Variants in PPP2R1B observed in about 807,000 individuals in gnomAD.
PPP2R1B encodes the protein protein phosphatase 2 scaffold subunit Abeta.
A neutral mutation model predicts 72.7 loss-of-function variants in PPP2R1B; 58 were observed. The observed-to-expected ratio is 0.80, with a 90% confidence interval of 0.65 to 0.99. PPP2R1B has a LOEUF of 0.99. Ranked by LOEUF, PPP2R1B falls within the 50% of genes least tolerant of loss-of-function variation. The probability of loss-of-function intolerance (pLI) is 0.00; values close to 1 mark genes in which losing one functional copy is unlikely to be tolerated. For missense variants in PPP2R1B, 695 were observed against 733.6 expected (o/e 0.95, Z 0.61); for synonymous variants, 256 against 264.6 (o/e 0.97, Z 0.32).
the PPP2R1B span, chr11:111,701,323 T>G: frequency 7.8e-7 from 1 of 1,285,738 alleles, no homozygotes; most frequent in Non-Finnish European, 1.1e-6. This position sits in a 1 kb window ranked among gnomAD's most constrained non-coding sequence, Gnocchi z 4.2. Context: ...TTTCAAATTC[T>G]GAGAAAATAA....
Position 111,741,015 on chromosome 11 carries a change from C to A in PPP2R1B, c.*581G>T. ...ACAGACAAAATTGAGCAAATAAAAA[C>A]CAAAACAACCACTACATTAACCCTG... On this transcript the variant is annotated 3_prime_UTR_variant, in exon 15 of 15. Transcript: ENST00000527614. The A allele has an allele frequency of 1.0e-6, 1 of 985,678 alleles. No individual in the cohort carries two copies. The allele number at this position is 985,678 out of a possible 1,614,324, so 61.1% of individuals were successfully genotyped here.
At chr11:111,695,213 TC>T in the PPP2R1B span, among the ~76,000 whole-genome samples, 4 of 152,294 alleles carry the variant, frequency 2.6e-5, no homozygotes, top group East Asian at 7.7e-4. Flanking sequence ...GTAGCTGAAT[TC>T]TGCTGGTAAT....
rs372915789 is a variant in PPP2R1B at position 111,756,848 on chromosome 11, T to C, written c.688-1398A>G. Reference sequence around the variant, plus strand: ...TCAGTGAGGGGCCAGGCACAGTGGCTCATGCCTGTAATCCCAGCACTTTGG... The same window carrying C: ...TCAGTGAGGGGCCAGGCACAGTGGCCCATGCCTGTAATCCCAGCACTTTGG... On this transcript the variant is annotated intron_variant, in intron 5 of 14. Transcript: ENST00000527614. Among the ~76,000 whole-genome samples the C allele has an allele frequency of 2.1e-4, 32 of 152,270 alleles. 1 individual carries two copies. The East Asian group carries it at 3.7e-3, about 17-fold the overall frequency.
intron 15 of PPP2R1B, chr11:111,729,093 G>C (rs1026432162): frequency 1.3e-5 from 2 of 152,240 alleles, no homozygotes; most frequent in African/African-American, 4.8e-5. Flanking sequence ...GTGAACGAAA[G>C]CAGTGGAGCC....
At chr11:111,744,549 A>C (rs1432749112) in intron 11 of PPP2R1B, among the ~76,000 whole-genome samples, 1 of 152,192 alleles carries the variant, frequency 6.6e-6, no homozygotes, top group Non-Finnish European at 1.5e-5. Context: ...GAACAAAAAC[A>C]AGCCTGGTGT....
At chr11:111,712,788 TAGGTACCTCAGGTACAAAATGATGGGC>T in the PPP2R1B span, among the ~76,000 whole-genome samples, 1 of 152,232 alleles carries the variant, frequency 6.6e-6, no homozygotes, top group Non-Finnish European at 1.5e-5. Context: ...CTCTTCTGCA[TAGGTACCTCAGGTACAAAATGATGGGC>T]CGTCTTTTGT....
chr11:111,764,913 T>G lies in PPP2R1B; in HGVS notation c.206-8A>C. The G allele has an allele frequency of 6.2e-7, 1 of 1,613,342 alleles. No homozygotes were observed. Among genetic ancestry groups the G allele is most frequent in the East Asian group, 2.2e-5 (1 of 44,872 alleles). ...CTTCATCATAAATTGTATCTGGAAG[T>G]GACAACAACAGGACTCATCAACATG... On this transcript the variant is annotated splice_polypyrimidine_tract_variant and splice_region_variant and intron_variant, in intron 2 of 14. Transcript: ENST00000527614.
At chr11:111,694,765 A>G in the PPP2R1B span, among the ~76,000 whole-genome samples, 3 of 152,234 alleles carry the variant, frequency 2.0e-5, no homozygotes, top group African/African-American at 4.8e-5. Flanking sequence ...TAAGCTGGGA[A>G]TATGGAAGAT....
At chr11:111,724,065 T>C, downstream of PPP2R1B, 1 of 1,614,022 alleles carries the variant, frequency 6.2e-7, no homozygotes, top group Non-Finnish European at 8.5e-7. Flanking sequence ...CTACCTGGAC[T>C]CTTTGATTGT....
In PPP2R1B at chr11:111,765,284, A is replaced by T; in HGVS notation, c.205+10T>A. On this transcript the variant is annotated intron_variant, in intron 2 of 14. Coordinates refer to ENST00000527614, the MANE Select transcript of PPP2R1B (RefSeq NM_002716.5). ...TGTCCCTACCTTTCTTTAAACAAAGATTCACATACCTGTAAGAAATGGCAA... is the reference window on the plus strand; with the variant it reads ...TGTCCCTACCTTTCTTTAAACAAAGTTTCACATACCTGTAAGAAATGGCAA... 3 of 1,599,812 alleles carry T rather than the reference A, an allele frequency of 1.9e-6. No individual in the cohort carries two copies. Among genetic ancestry groups the T allele is most frequent in the Non-Finnish European group, 2.6e-6 (3 of 1,168,324 alleles).
At chr11:111,705,435 G>T in the PPP2R1B span, among the ~76,000 whole-genome samples, 2 of 152,068 alleles carry the variant, frequency 1.3e-5, no homozygotes, top group Non-Finnish European at 2.9e-5. The surrounding 1 kb of genome is among the most constrained non-coding windows in gnomAD (Gnocchi z 4.3). Context: ...GATTTACCAC[G>T]TGCGAGCTTC....
At chr11:111,734,181 A>G (rs892003299), downstream of PPP2R1B, among the ~76,000 whole-genome samples, 1 of 152,124 alleles carries the variant, frequency 6.6e-6, no homozygotes, top group Non-Finnish European at 1.5e-5. Context: ...CACTCTGCCT[A>G]TCTTACTTTA....
Position 111,760,942 on chromosome 11 carries a change from T to C in PPP2R1B, c.416A>G (p.Tyr139Cys). ...TAAGCGTTTCACCAGAGGTACAAAATAAGCTTCCAGAGCAACAGGAGTATG... is the reference window on the plus strand; with the variant it reads ...TAAGCGTTTCACCAGAGGTACAAAACAAGCTTCCAGAGCAACAGGAGTATG... Reference protein sequence around the residue: ...QEHTPVALEAYFVPLVKRLAS... With the variant: ...QEHTPVALEACFVPLVKRLAS... The change falls in exon 4 of 15, where the codon TAT becomes TGT. Residue 139 changes from tyrosine (Y) to cysteine (C), a missense_variant. Coordinates refer to ENST00000527614, the MANE Select transcript of PPP2R1B (RefSeq NM_002716.5). The C allele has an allele frequency of 6.2e-7, 1 of 1,614,188 alleles. No homozygotes were observed. Among genetic ancestry groups the C allele is most frequent in the Non-Finnish European group, 8.5e-7 (1 of 1,180,018 alleles).
the PPP2R1B span, among the ~76,000 whole-genome samples, chr11:111,691,317 C>T: frequency 6.6e-6 from 1 of 152,118 alleles, no homozygotes; most frequent in African/African-American, 2.4e-5. Flanking sequence ...AGTGTGATGA[C>T]TCACATTTAA....
intron 9 of PPP2R1B, among the ~76,000 whole-genome samples, chr11:111,752,732 T>C (rs183077735): frequency 1.3e-5 from 2 of 152,086 alleles, no homozygotes; most frequent in Admixed American, 6.6e-5. Flanking sequence ...TCCCAGCACT[T>C]TGGGAGGCCG....
chr11:111,752,374 A>G, intron 9 of PPP2R1B, 42 bp from the exon 10 acceptor site: 1 of 1,547,070 alleles, frequency 6.5e-7, no homozygotes, highest in Non-Finnish European at 8.7e-7. Flanking sequence ...TTAAAAATCA[A>G]GTACTCTGCC....
intron 3 of PPP2R1B, chr11:111,761,396 T>C (rs1555051424): frequency 2.6e-6 from 1 of 385,200 alleles, no homozygotes; most frequent in Non-Finnish European, 5.0e-6. Context: ...GGATCATGTA[T>C]ATTTCCTCAA....
chr11:111,732,417 G>A (rs560075420), intron 15 of PPP2R1B, among the ~76,000 whole-genome samples: 1 of 152,332 alleles, frequency 6.6e-6, no homozygotes, highest in Admixed American at 6.5e-5. Context: ...TTGGCCAGGT[G>A]CTGTGGCTGA....
At chr11:111,735,247 T>G (rs186675716), downstream of PPP2R1B, 3 of 152,180 alleles carry the variant, frequency 2.0e-5, no homozygotes, top group Admixed American at 2.0e-4. Context: ...TAGCCATTAT[T>G]TATGGATGCT....
Sources: allele counts gnomAD v4.1 joint callset (sites outside exome capture counted in the v4.1 genomes callset), GRCh38; gene constraint gnomAD v4.1.1; non-coding constraint Gnocchi (gnomAD v3.1); transcripts MANE v1.5; gene names NCBI Gene and HGNC (gene_info 2026-07-23, HGNC 2026-07-21).